Variants in SCCPDH observed in about 807,000 individuals in gnomAD.
SCCPDH encodes the protein saccharopine dehydrogenase-like oxidoreductase.
A neutral mutation model predicts 51.5 loss-of-function variants in SCCPDH; 34 were observed. That is an observed-to-expected ratio of 0.66 (90% CI 0.50 to 0.88). The LOEUF (loss-of-function observed/expected upper bound fraction) is 0.88. SCCPDH is among the 40% of genes least tolerant of loss of function. The pLI, the probability that SCCPDH is intolerant of heterozygous loss-of-function variation, is 0.00. For synonymous variants in SCCPDH, 187 were observed against 191.3 expected, an observed-to-expected ratio of 0.98 and a Z score of 0.19; for missense variants, 464 against 527.1, an observed-to-expected ratio of 0.88 and a Z score of 1.17.
intron 4 of SCCPDH, among the ~76,000 whole-genome samples, chr1:246,742,502 G>C (rs376843228): frequency 1.3e-5 from 2 of 152,124 alleles, no homozygotes; most frequent in Non-Finnish European, 2.9e-5. Flanking sequence ...TCTGCGGATC[G>C]GGTTAGATCA....
intron 10 of SCCPDH, among the ~76,000 whole-genome samples, chr1:246,765,563 C>G (rs1669076135): frequency 6.6e-6 from 1 of 152,036 alleles, no homozygotes; most frequent in South Asian, 2.1e-4. Context: ...AGTCGTTATT[C>G]TTTAAGAAAA....
intron 2 of SCCPDH, among the ~76,000 whole-genome samples, chr1:246,732,412 G>A (rs532478122): frequency 6.0e-5 from 9 of 151,030 alleles, no homozygotes; most frequent in Non-Finnish European, 1.3e-4. Flanking sequence ...TTTTTGAGGC[G>A]GTTCTTGCTC....
intron 3 of SCCPDH, among the ~76,000 whole-genome samples, chr1:246,737,255 C>T (rs115908565): frequency 0.054 from 7,923 of 146,088 alleles, 381 homozygotes; most frequent in East Asian, 0.17. Context: ...AAAGCCCAGG[C>T]GAGGTGGCTC....
intron 1 of SCCPDH, among the ~76,000 whole-genome samples, chr1:246,726,684 T>A (rs1668405055): frequency 6.6e-6 from 1 of 152,220 alleles, no homozygotes; most frequent in Admixed American, 6.5e-5. Flanking sequence ...TTTTAGTAAC[T>A]CTTAGTGTTA....
intron 5 of SCCPDH, among the ~76,000 whole-genome samples, chr1:246,752,301 G>A (rs1412804962): frequency 6.6e-6 from 1 of 152,082 alleles, no homozygotes. Context: ...CAGAAGTGCA[G>A]ATGAGGTCTG....
intron 2 of SCCPDH, among the ~76,000 whole-genome samples, chr1:246,733,031 A>G (rs925096615): frequency 1.3e-5 from 2 of 152,208 alleles, no homozygotes; most frequent in Non-Finnish European, 1.5e-5. Flanking sequence ...TGAGCACAAC[A>G]GAAAGATGTT....
At chr1:246,736,207 A>G (rs938328754) in intron 3 of SCCPDH, 152 bp downstream of exon 3, 2 of 604,020 alleles carry the variant, frequency 3.3e-6, no homozygotes, top group East Asian at 5.7e-5. Context: ...TTCCATTGAT[A>G]GCTCAAAGGA....
In SCCPDH at chr1:246,760,068, C is replaced by T; in HGVS notation, c.925C>T (p.Leu309Phe). The change falls in exon 8 of 12, where the codon CTC (leucine) becomes TTC (phenylalanine). Residue 309 changes from leucine (L) to phenylalanine (F), a missense_variant. Leu to Phe is a conservative substitution (Grantham distance 22, BLOSUM62 0). Coordinates refer to ENST00000366510, the MANE Select transcript of SCCPDH (RefSeq NM_016002.3). ...GAGGTTTGGAATTGGAAGGCAACTT[C>T]TCATAAAAGTAAGTAAGATTTTATG... is the stretch of plus-strand genomic sequence containing the variant. ...FVRFGIGRQL[L>F]IKFPWFFSFG... The T allele has an allele frequency of 1.2e-6, 2 of 1,610,806 alleles. No homozygotes were observed. Among genetic ancestry groups the T allele is most frequent in the Non-Finnish European group, 1.7e-6 (2 of 1,178,718 alleles).
intron 2 of SCCPDH, among the ~76,000 whole-genome samples, chr1:246,733,495 C>T (rs1456747257): frequency 6.6e-6 from 1 of 150,620 alleles, no homozygotes; most frequent in East Asian, 1.9e-4. Flanking sequence ...ATTTTATACA[C>T]ACACACACAC....
chr1:246,725,574 G>C (rs908370873), intron 1 of SCCPDH, among the ~76,000 whole-genome samples: 4 of 152,152 alleles, frequency 2.6e-5, no homozygotes, highest in Non-Finnish European at 4.4e-5. Flanking sequence ...ACAATGCCCT[G>C]CTCGGAGTGC....
intron 6 of SCCPDH, among the ~76,000 whole-genome samples, chr1:246,758,653 T>G (rs1668966803): frequency 6.6e-6 from 1 of 152,212 alleles, no homozygotes; most frequent in Non-Finnish European, 1.5e-5. Flanking sequence ...TAAGTGAATC[T>G]TATGATGACT....
intron 10 of SCCPDH, among the ~76,000 whole-genome samples, chr1:246,765,156 A>G (rs1157446829): frequency 8.8e-6 from 1 of 113,136 alleles, no homozygotes; most frequent in Admixed American, 9.1e-5. Context: ...CTGTGGTATA[A>G]TTACTGTCAG....
chr1:246,726,837 G>A, intron 1 of SCCPDH, 55 bp from the exon 2 acceptor site: 1 of 1,229,260 alleles, frequency 8.1e-7, no homozygotes, highest in Non-Finnish European at 1.2e-6. Context: ...AAGAAGATAA[G>A]GAAGATATAA....
At chr1:246,754,658 G>C (rs1343238806) in intron 5 of SCCPDH, among the ~76,000 whole-genome samples, 1 of 152,176 alleles carries the variant, frequency 6.6e-6, no homozygotes, top group African/African-American at 2.4e-5. Context: ...CTCTAAGGGG[G>C]TCCGTGTGAG....
chr1:246,750,364 G>T (rs1276864300), intron 5 of SCCPDH, among the ~76,000 whole-genome samples: 1 of 152,214 alleles, frequency 6.6e-6, no homozygotes, highest in Non-Finnish European at 1.5e-5. Context: ...CAGCAGTGGA[G>T]TGCAAACAGG....
intron 10 of SCCPDH, 37 bp from the exon 11 acceptor site, chr1:246,766,021 A>T: frequency 7.8e-5 from 102 of 1,310,304 alleles, no homozygotes; most frequent in Non-Finnish European, 1.0e-4. Flanking sequence ...GTACTTCATG[A>T]TTCCTTTCTT....
At chr1:246,765,534 AT>A (rs933441095) in intron 10 of SCCPDH, among the ~76,000 whole-genome samples, 1 of 152,216 alleles carries the variant, frequency 6.6e-6, no homozygotes, top group Non-Finnish European at 1.5e-5. Flanking sequence ...GTTTATAAAC[AT>A]TTTTTTAACT....
chr1:246,756,350 G>A (rs935169231), intron 5 of SCCPDH, among the ~76,000 whole-genome samples: 3 of 152,222 alleles, frequency 2.0e-5, no homozygotes, highest in Non-Finnish European at 2.9e-5. Flanking sequence ...TGTAAAGGCA[G>A]GACGGAAGGA....
chr1:246,736,890 T>G (rs1668600247), intron 3 of SCCPDH, among the ~76,000 whole-genome samples: 1 of 152,142 alleles, frequency 6.6e-6, no homozygotes, highest in Non-Finnish European at 1.5e-5. Context: ...GTAGTTATCT[T>G]CCTCCATTTT....
Sources: gnomAD v4.1 joint callset for allele counts (sites outside exome capture counted in the v4.1 genomes callset) on GRCh38, gnomAD v4.1.1 for gene constraint, MANE v1.5 for transcripts, NCBI Gene and HGNC (gene_info 2026-07-23, HGNC 2026-07-21) for gene names.